Variants in DNM3 observed in about 807,000 individuals in gnomAD.
DNM3 encodes dynamin-3.
DNM3 carries 47 observed loss-of-function variants against 101.6 expected under a neutral mutation model. That is an observed-to-expected ratio of 0.46 (90% CI 0.37 to 0.59). The LOEUF (loss-of-function observed/expected upper bound fraction) is 0.59, where lower values mean the gene tolerates loss of function less well. Among genes scored for constraint, DNM3 ranks in the 20% least tolerant of loss-of-function variants. The pLI is 0.00. For missense variants in DNM3, 849 were observed against 1,085.7 expected (o/e 0.78, Z 3.06); for synonymous variants, 385 against 387.9 (o/e 0.99, Z 0.09).
chr1:172,303,286 T>C (rs1318038683), intron 15 of DNM3, among the ~76,000 whole-genome samples: 2 of 152,126 alleles, frequency 1.3e-5, no homozygotes, highest in Non-Finnish European at 2.9e-5. Context: ...GTATCAGTGA[T>C]GGAAGATCAA....
chr1:172,049,238 C>T (rs1245688978), intron 10 of DNM3, among the ~76,000 whole-genome samples: 1 of 152,122 alleles, frequency 6.6e-6, no homozygotes, highest in Non-Finnish European at 1.5e-5. Flanking sequence ...AGATTGAAAT[C>T]CTGGCTCTGA....
At chr1:172,085,170 C>T (rs1214126758) in intron 12 of DNM3, among the ~76,000 whole-genome samples, 1 of 151,670 alleles carries the variant, frequency 6.6e-6, no homozygotes, top group African/African-American at 2.4e-5. Context: ...AGTTTCTGAG[C>T]CTGAAAGTTC....
intron 17 of DNM3, among the ~76,000 whole-genome samples, chr1:172,326,550 A>G (rs2148922396): frequency 6.6e-6 from 1 of 152,184 alleles, no homozygotes; most frequent in African/African-American, 2.4e-5. Flanking sequence ...GTAAAAAATT[A>G]ACCTCCATGT....
At chr1:172,095,654 C>G (rs1237377007) in intron 13 of DNM3, among the ~76,000 whole-genome samples, 1 of 152,102 alleles carries the variant, frequency 6.6e-6, no homozygotes, top group African/African-American at 2.4e-5. Context: ...CTGAAACACT[C>G]TGCAGCATCC....
At chr1:172,261,261 A>T (rs554373887) in intron 15 of DNM3, among the ~76,000 whole-genome samples, 1 of 152,266 alleles carries the variant, frequency 6.6e-6, no homozygotes, top group Non-Finnish European at 1.5e-5. Context: ...TTTGTTTGAA[A>T]TTGCTTTTGA....
At chr1:172,232,226 A>T (rs1210589521) in intron 14 of DNM3, among the ~76,000 whole-genome samples, 1 of 152,330 alleles carries the variant, frequency 6.6e-6, no homozygotes, top group East Asian at 1.9e-4. Context: ...AAAAAAAGGC[A>T]GGGGTTTCAA....
rs566279832 is a variant in DNM3, at chr1:172,186,911, A to T, written c.1659+55623A>T. Among the ~76,000 whole-genome samples the T allele has an allele frequency of 4.6e-4, 70 of 152,198 alleles. 2 individuals are homozygous for T. In the South Asian group the frequency reaches 0.014, roughly 30 times the overall value. ...GGATCATGGGTTGTGAACCCTAGCT[A>T]TGGAGGGTTTGTGTCTCTAAGCTCT... is the stretch of plus-strand genomic sequence containing the variant. On this transcript the variant is annotated intron_variant, in intron 14 of 20. Coordinates refer to ENST00000627582, the MANE Select transcript of DNM3 (RefSeq NM_015569.5).
intron 14 of DNM3, among the ~76,000 whole-genome samples, chr1:172,226,932 G>T (rs1411971085): frequency 6.6e-6 from 1 of 151,736 alleles, no homozygotes; most frequent in South Asian, 2.1e-4. Flanking sequence ...AATAGCTCTG[G>T]GGGGAGGTAC....
intron 2 of DNM3, among the ~76,000 whole-genome samples, chr1:171,974,232 A>T (rs1222310809): frequency 6.6e-6 from 1 of 152,212 alleles, no homozygotes; most frequent in Non-Finnish European, 1.5e-5. Flanking sequence ...CAGATCACTG[A>T]GTAGTCACTA....
chr1:172,262,323 T>C (rs1040298485), intron 15 of DNM3, among the ~76,000 whole-genome samples: 1 of 152,180 alleles, frequency 6.6e-6, no homozygotes, highest in Admixed American at 6.5e-5. Flanking sequence ...CTGTGGCTCC[T>C]GCCTTAGCCC....
chr1:172,149,179 AT>A (rs2058035908), intron 14 of DNM3, among the ~76,000 whole-genome samples: 2 of 152,146 alleles, frequency 1.3e-5, no homozygotes, highest in Non-Finnish European at 2.9e-5. Flanking sequence ...TAAAATTTCC[AT>A]TGCTGAGTCT....
chr1:171,908,063 C>T (rs900606858), intron 1 of DNM3, among the ~76,000 whole-genome samples: 3 of 152,130 alleles, frequency 2.0e-5, no homozygotes, highest in African/African-American at 7.2e-5. Flanking sequence ...AAATACTTAG[C>T]ATTTCTGTGT....
intron 10 of DNM3, among the ~76,000 whole-genome samples, chr1:172,051,934 T>C (rs1469731908): frequency 6.6e-6 from 1 of 152,186 alleles, no homozygotes; most frequent in Non-Finnish European, 1.5e-5. Flanking sequence ...TGGAGATAAT[T>C]GTCTATTTGT....
intron 14 of DNM3, among the ~76,000 whole-genome samples, chr1:172,207,367 T>TA (rs2148507810): frequency 6.6e-6 from 1 of 152,148 alleles, no homozygotes; most frequent in East Asian, 1.9e-4. Context: ...TCATTTTAGG[T>TA]AACTCCACCC....
intron 13 of DNM3, among the ~76,000 whole-genome samples, chr1:172,095,987 A>T (rs528346439): frequency 6.6e-6 from 1 of 152,196 alleles, no homozygotes; most frequent in Admixed American, 6.5e-5. Flanking sequence ...TTAGAGAAGC[A>T]TGATGATGCA....
chr1:172,038,184 C>T (rs1572202475), intron 6 of DNM3, 135 bp from the exon 7 acceptor site: 1 of 1,148,956 alleles, frequency 8.7e-7, no homozygotes, highest in East Asian at 2.6e-5. Flanking sequence ...TAGTCAATGT[C>T]AAATGCAGAC....
intron 1 of DNM3, among the ~76,000 whole-genome samples, chr1:171,921,246 C>A (rs1342870162): frequency 6.6e-6 from 1 of 151,986 alleles, no homozygotes; most frequent in African/African-American, 2.4e-5. Flanking sequence ...CTGTGCCCGG[C>A]CTTGTTTCCT....
chr1:172,178,366 G>GAGAAAAAAA (rs2059227181), intron 14 of DNM3, among the ~76,000 whole-genome samples: 1 of 151,834 alleles, frequency 6.6e-6, no homozygotes, highest in African/African-American at 2.4e-5. Flanking sequence ...TCCATTGAGA[G>GAGAAAAAAA]TAATTTATTC....
intron 1 of DNM3, among the ~76,000 whole-genome samples, chr1:171,920,207 T>G (rs10798751): frequency 0.34 from 51,902 of 152,006 alleles, 9,192 homozygotes; most frequent in East Asian, 0.5. Flanking sequence ...TTCCAAACTA[T>G]CAGTGCAGCT....
Sources: allele counts gnomAD v4.1 joint callset (sites outside exome capture counted in the v4.1 genomes callset), GRCh38; gene constraint gnomAD v4.1.1; transcripts MANE v1.5; gene names NCBI Gene and HGNC (gene_info 2026-07-23, HGNC 2026-07-21).